The following CCDC14 variants were observed in gnomAD, a reference collection of about 807,000 sequenced individuals.
CCDC14 encodes coiled-coil domain-containing protein 14.
CCDC14 carries 71 observed loss-of-function variants against 81.4 expected under a neutral mutation model. The observed-to-expected ratio is 0.87, with a 90% CI of 0.72 to 1.06. CCDC14 has a LOEUF of 1.06. Ranked by LOEUF, CCDC14 falls within the 50% of genes least tolerant of loss-of-function variation. The pLI is 0.00. For synonymous variants in CCDC14, 332 were observed against 364.8 expected, an observed-to-expected ratio of 0.91 and a Z score of 1.03; for missense variants, 1,046 against 1,047.3, an observed-to-expected ratio of 1.00 and a Z score of 0.02.
intron 12 of CCDC14, among the ~76,000 whole-genome samples, chr3:123,928,527 A>G (rs2035518106): frequency 1.3e-5 from 2 of 152,026 alleles, no homozygotes. Context: ...ATAAATAAAT[A>G]AAAAAGATGT....
At chr3:123,897,170 T>C (rs1311149229), downstream of CCDC14, 2 of 152,140 alleles carry the variant, frequency 1.3e-5, no homozygotes, top group South Asian at 2.1e-4. Flanking sequence ...CATAAAAATA[T>C]AAATGTTAAT....
At chr3:123,886,251 C>T in the CCDC14 span, among the ~76,000 whole-genome samples, 2 of 151,984 alleles carry the variant, frequency 1.3e-5, no homozygotes, top group African/African-American at 4.8e-5. Context: ...GTTCCAGGCA[C>T]ATCTGTACAT....
intron 12 of CCDC14, among the ~76,000 whole-genome samples, chr3:123,924,649 T>C (rs1006960625): frequency 1.3e-5 from 2 of 151,962 alleles, no homozygotes; most frequent in Non-Finnish European, 1.5e-5. Context: ...ATGGCCAATA[T>C]GTCTAAGAAA....
Position 123,931,243 on chromosome 3 carries a change from A to G in CCDC14, c.1646-9T>C, listed in dbSNP as rs2148854735. The G allele has an allele frequency of 1.3e-6, 2 of 1,596,262 alleles. No individual in the cohort carries two copies. Among genetic ancestry groups the G allele is most frequent in the Non-Finnish European group, 1.7e-6 (2 of 1,174,280 alleles). ...TAGGGCTTCCTCCAATTCTAAAACA[A>G]CAAAAGTTTCAGTTTCCTTATTCCT... On this transcript the variant is annotated splice_polypyrimidine_tract_variant and intron_variant, in intron 11 of 12. Transcript: ENST00000409697.
At chr3:123,912,430 G>C (rs992541492), downstream of CCDC14, among the ~76,000 whole-genome samples, 1 of 152,076 alleles carries the variant, frequency 6.6e-6, no homozygotes. Context: ...CTAAGAACTT[G>C]ACTTTTCATT....
intron 5 of CCDC14, 65 bp downstream of exon 5, chr3:123,955,778 G>A: frequency 7.4e-7 from 1 of 1,345,696 alleles, no homozygotes; most frequent in Non-Finnish European, 1.0e-6. Context: ...GTATAATCCT[G>A]ATAATTGATC....
At chr3:123,912,288 T>G (rs2034465766), downstream of CCDC14, among the ~76,000 whole-genome samples, 2 of 152,170 alleles carry the variant, frequency 1.3e-5, no homozygotes, top group Non-Finnish European at 2.9e-5. Context: ...GGCTGGGATC[T>G]GGGACCAGCC....
At chr3:123,935,308 T>A (rs1006071484) in intron 9 of CCDC14, among the ~76,000 whole-genome samples, 8 of 152,212 alleles carry the variant, frequency 5.3e-5, no homozygotes, top group Non-Finnish European at 1.2e-4. Context: ...ACTCAATTCA[T>A]GTGATTATAT....
In CCDC14 at chr3:123,944,957, AT is replaced by A; in HGVS notation, c.1234del (p.Met412TrpfsTer11). On this transcript the variant is annotated frameshift_variant, in exon 9 of 13. Coordinates refer to ENST00000409697, the MANE Select transcript of CCDC14 (RefSeq NM_001366335.1). LOFTEE classifies it high-confidence loss of function. ...DSEIQRLITE[M>X]EACISVLPTV... The stretch of plus-strand genomic sequence containing the variant: ...TGGAAGTACAGATATACATGCCTCC[AT>A]TTCTGTAATCAACCTCTGAATTTCT... 6.2e-7 allele frequency: 1 copy of A among 1,606,916 alleles called. No individual in the cohort carries two copies. Among genetic ancestry groups the A allele is most frequent in the South Asian group, 1.1e-5 (1 of 89,948 alleles).
rs368311102 is a variant in CCDC14 at position 123,956,549 on chromosome 3, AAC to A, written c.87-124_87-123del. 1,297 of 783,966 alleles carry A rather than the reference AAC, an allele frequency of 1.7e-3. 19 individuals carry two copies. The African/African-American group carries it at 0.021, about 12-fold the overall frequency. The allele number at this position is 783,966 out of a possible 1,614,324, so 48.6% of individuals were successfully genotyped here. On this transcript the variant is annotated intron_variant, in intron 2 of 12. Transcript: ENST00000409697. Reference sequence around the variant, plus strand: ...CAACCATGTACAAGATGAATTTATAAACACATTCTGAAGATCAGAAAGACTGT... The same window carrying A: ...CAACCATGTACAAGATGAATTTATAAACATTCTGAAGATCAGAAAGACTGT...
At chr3:123,918,432 T>G (rs2034837935) in intron 12 of CCDC14, among the ~76,000 whole-genome samples, 1 of 152,200 alleles carries the variant, frequency 6.6e-6, no homozygotes. Context: ...TTCCTGGCTC[T>G]GGTCCCCCTC....
At chr3:123,901,338 C>T (rs1051903086) in intron 5 of CCDC14, among the ~76,000 whole-genome samples, 4 of 151,476 alleles carry the variant, frequency 2.6e-5, no homozygotes, top group African/African-American at 9.7e-5. Context: ...ATAGCATTAG[C>T]AAGAATACAA....
intron 5 of CCDC14, chr3:123,952,712 G>A (rs1462001213): frequency 4.6e-6 from 2 of 438,394 alleles, no homozygotes; most frequent in Non-Finnish European, 1.0e-5. Flanking sequence ...GCAAGATAAT[G>A]TGTGTTAAAA....
At position 123,924,954 on chromosome 3, in the gene CCDC14, T is replaced by TAG. The variant is rs148449155; in HGVS notation, c.1778+6147_1778+6148insCT. On this transcript the variant is annotated intron_variant, in intron 12 of 12. Transcript: ENST00000409697. ...ACACACATATATATGTATACATATA[T>TAG]ACACACACACACACACACACACACA... Among the ~76,000 whole-genome samples, 17 of 147,382 alleles carry TAG rather than the reference T, an allele frequency of 1.2e-4. No homozygotes were observed. The East Asian group carries it at 2.8e-3, about 24-fold the overall frequency.
At position 123,931,382 on chromosome 3, in the gene CCDC14, ATAC is replaced by A; in HGVS notation, c.1568_1570del (p.Ser523del). 6.6e-7 allele frequency: 1 copy of A among 1,522,696 alleles called. No individual in the cohort carries two copies. Among genetic ancestry groups the A allele is most frequent in the Non-Finnish European group, 8.9e-7 (1 of 1,120,954 alleles). The allele number at this position is 1,522,696 out of a possible 1,614,324, so 94.3% of individuals were successfully genotyped here. On this transcript the variant is annotated inframe_deletion, in exon 11 of 13. Transcript: ENST00000409697. ...TATAGTTTGATCTTTGTCTTTAAAT[ATAC>A]TACTAAATTTTTTGTTTTCATCTTT...
At chr3:123,948,226 TTTTC>T (rs1350019826) in intron 7 of CCDC14, among the ~76,000 whole-genome samples, 1 of 145,212 alleles carries the variant, frequency 6.9e-6, no homozygotes, top group Non-Finnish European at 1.5e-5. Context: ...TAGGTAAAAC[TTTTC>T]TTTCTTTTCT....
At chr3:123,918,725 C>T (rs2148799941) in intron 12 of CCDC14, among the ~76,000 whole-genome samples, 1 of 152,298 alleles carries the variant, frequency 6.6e-6, no homozygotes, top group East Asian at 1.9e-4. Flanking sequence ...TGTATTACCC[C>T]ATTTGTTCCT....
intron 12 of CCDC14, among the ~76,000 whole-genome samples, chr3:123,927,844 TG>T (rs1301924655): frequency 6.6e-6 from 1 of 151,200 alleles, no homozygotes; most frequent in African/African-American, 2.4e-5. Context: ...GAATAAACAA[TG>T]GAAAAGGCAG....
At chr3:123,936,232 T>C (rs2036048854) in intron 9 of CCDC14, among the ~76,000 whole-genome samples, 1 of 152,058 alleles carries the variant, frequency 6.6e-6, no homozygotes. Flanking sequence ...AAATGATACA[T>C]GATAAAAACA....
Sources: gnomAD v4.1 joint callset for allele counts (sites outside exome capture counted in the v4.1 genomes callset) on GRCh38, gnomAD v4.1.1 for gene constraint, MANE v1.5 for transcripts, NCBI Gene and HGNC (gene_info 2026-07-23, HGNC 2026-07-21) for gene names.